The following TDRP variants were observed in gnomAD, a reference collection of about 807,000 sequenced individuals.
The protein encoded by TDRP is testis development related protein, also known as testis development-related protein.
In TDRP, 12 loss-of-function variants were observed where a neutral mutation model predicts 10.5. The observed-to-expected ratio is 1.15, with a 90% confidence interval of 0.73 to 1.86. TDRP has a LOEUF of 1.86. Ranked by LOEUF, TDRP falls within the 40% of genes most tolerant of loss-of-function variation. TDRP has a pLI of 0.00. For synonymous variants in TDRP, 139 were observed against 95.4 expected (o/e 1.46, Z -2.67); for missense variants, 353 against 229.2 (o/e 1.54, Z -3.49).
intron 1 of TDRP, among the ~76,000 whole-genome samples, chr8:531,446 C>T (rs548435334): frequency 4.6e-5 from 7 of 152,268 alleles, no homozygotes; most frequent in Non-Finnish European, 1.0e-4. Context: ...GCGGGAATGA[C>T]TCCTTAATCC....
intron 1 of TDRP, among the ~76,000 whole-genome samples, chr8:518,616 G>A (rs969293518): frequency 2.7e-5 from 3 of 109,660 alleles, no homozygotes; most frequent in African/African-American, 9.0e-5. Context: ...TTTCTTCACA[G>A]CAAAGTAACT....
chr8:517,514 T>A (rs908904331), intron 1 of TDRP, among the ~76,000 whole-genome samples: 6 of 152,162 alleles, frequency 3.9e-5, no homozygotes, highest in Non-Finnish European at 8.8e-5. Context: ...AGCATTCCAT[T>A]CCTTTCTGAC....
intron 1 of TDRP, among the ~76,000 whole-genome samples, chr8:524,274 G>T (rs1393455191): frequency 3.3e-5 from 5 of 152,264 alleles, no homozygotes; most frequent in African/African-American, 1.2e-4. Context: ...GAAAAACTTA[G>T]ATCACAACAC....
At chr8:494,431 C>T (rs1040012700) in intron 2 of TDRP, 63 bp downstream of exon 2, 25 of 1,512,806 alleles carry the variant, frequency 1.7e-5, no homozygotes, top group Admixed American at 3.4e-5. Flanking sequence ...TCTTCATTTC[C>T]ACCTCCTCAG....
intron 1 of TDRP, among the ~76,000 whole-genome samples, chr8:506,427 G>T (rs1458338184): frequency 2.0e-5 from 3 of 152,144 alleles, no homozygotes; most frequent in African/African-American, 7.2e-5. Context: ...CTGGACTTCA[G>T]CTTCTCACAT....
intron 1 of TDRP, among the ~76,000 whole-genome samples, chr8:498,093 GT>G: frequency 1.3e-5 from 2 of 152,306 alleles, no homozygotes; most frequent in East Asian, 3.9e-4. Context: ...CAAGGGAAAT[GT>G]GGGGTTGCAA....
At chr8:502,440 G>A (rs766938556) in intron 1 of TDRP, among the ~76,000 whole-genome samples, 32 of 152,326 alleles carry the variant, frequency 2.1e-4, no homozygotes, top group East Asian at 1.9e-3. Context: ...GGGGCTAGGC[G>A]GCCATAGCGA....
intron 1 of TDRP, among the ~76,000 whole-genome samples, chr8:495,718 C>T (rs1801109915): frequency 6.6e-6 from 1 of 152,170 alleles, no homozygotes; most frequent in Admixed American, 6.5e-5. Flanking sequence ...ATCCTGAAAG[C>T]TGACCTGAGG....
rs143222527 is a variant in TDRP, at chr8:510,148, G to C, written c.109-15551C>G. Among the ~76,000 whole-genome samples the C allele has an allele frequency of 1.3e-3, 192 of 152,326 alleles. 1 individual carries two copies. The highest frequency in any genetic ancestry group is 4.3e-3 in the African/African-American group (178 of 41,584). The stretch of plus-strand genomic sequence containing the variant: ...AAGCTCCACTAAGCTTCAGCATCCA[G>C]AGTTGTGACTGGGGTTTAAATAGGT... On this transcript the variant is annotated intron_variant, in intron 1 of 2. Transcript: ENST00000324079.
At chr8:528,862 T>C (rs1346418149) in intron 1 of TDRP, among the ~76,000 whole-genome samples, 2 of 152,100 alleles carry the variant, frequency 1.3e-5, no homozygotes, top group East Asian at 1.9e-4. Context: ...TGTGTGTGTG[T>C]AAAGGGGAAT....
chr8:506,549 G>A (rs1801470552), intron 1 of TDRP, among the ~76,000 whole-genome samples: 1 of 152,212 alleles, frequency 6.6e-6, no homozygotes, highest in Non-Finnish European at 1.5e-5. Context: ...CTGTGCATGT[G>A]CTGCACTGCA....
At chr8:541,951 G>GTT (rs1425082020) in intron 1 of TDRP, among the ~76,000 whole-genome samples, 1 of 152,172 alleles carries the variant, frequency 6.6e-6, no homozygotes, top group African/African-American at 2.4e-5. Flanking sequence ...TGCACCTGAT[G>GTT]TTTACAGCTG....
chr8:491,942 T>G lies in TDRP; in HGVS notation c.*457A>C, dbSNP rs1294431543. ...AGTTAAACAAAATTTAACATAACTT[T>G]GGAAGATTCATCTTACCTCCTGACT... On this transcript the variant is annotated 3_prime_UTR_variant, in exon 3 of 3. Coordinates refer to ENST00000324079, the MANE Select transcript of TDRP (RefSeq NM_001384899.1). 1.8e-6 allele frequency: 2 copies of G among 1,130,816 alleles called. No homozygotes were observed. Among genetic ancestry groups the G allele is most frequent in the East Asian group, 5.0e-5 (1 of 19,822 alleles). 70.0% of individuals were successfully genotyped at this position (1,130,816 alleles called of 1,614,324 possible). A position where few individuals can be genotyped will look rare whatever the true frequency, so the allele number is the denominator to read the frequency against.
Position 494,515 on chromosome 8 carries a change from C to A in TDRP, c.191G>T (p.Cys64Phe), listed in dbSNP as rs1801075600. 1 of 1,613,922 alleles carries A rather than the reference C, an allele frequency of 6.2e-7. No homozygotes were observed. Among genetic ancestry groups the A allele is most frequent in the South Asian group, 1.1e-5 (1 of 91,076 alleles). The stretch of plus-strand genomic sequence containing the variant: ...TTACCCTTTGGACTTGGGAGATTTA[C>A]ATCTTTCCAGGAGATGCTGCTCATC... ...KDDEQHLLER[C>F]KSPKSKGTNL... Residue 64 changes from cysteine (C) to phenylalanine (F), a missense_variant, in exon 2 of 3, where the codon TGT becomes TTT. By Grantham distance (205) the Cys-to-Phe change is radical. Transcript: ENST00000324079.
chr8:508,974 T>C (rs1161758677), intron 1 of TDRP, among the ~76,000 whole-genome samples: 2 of 152,210 alleles, frequency 1.3e-5, no homozygotes, highest in African/African-American at 4.8e-5. Flanking sequence ...ACAGGCCCCA[T>C]GCAGGTCCAA....
chr8:511,247 G>A (rs1801609255), intron 1 of TDRP, among the ~76,000 whole-genome samples: 2 of 152,126 alleles, frequency 1.3e-5, no homozygotes, highest in Middle Eastern at 6.8e-3. Flanking sequence ...ACACACTTTA[G>A]AATCAAAGAT....
intron 1 of TDRP, among the ~76,000 whole-genome samples, chr8:502,783 G>C (rs1249959217): frequency 1.3e-5 from 2 of 151,296 alleles, no homozygotes; most frequent in African/African-American, 4.9e-5. Context: ...ATGGAATCCA[G>C]AGCCATACAC....
chr8:517,218 G>A (rs148505847), intron 1 of TDRP, among the ~76,000 whole-genome samples: 2 of 152,224 alleles, frequency 1.3e-5, no homozygotes, highest in East Asian at 3.9e-4. Flanking sequence ...CTCTGGTACA[G>A]CATCACATGA....
chr8:544,795 G>C lies in TDRP; in HGVS notation c.-38C>G, dbSNP rs554500161. 2 of 1,215,722 alleles carry C rather than the reference G, an allele frequency of 1.6e-6. No individual in the cohort carries two copies. The highest frequency in any genetic ancestry group is 2.1e-6 in the Non-Finnish European group (2 of 973,272). 75.3% of individuals were successfully genotyped at this position (1,215,722 alleles called of 1,614,324 possible). On this transcript the variant is annotated 5_prime_UTR_variant, in exon 1 of 3. Transcript: ENST00000324079. The stretch of plus-strand genomic sequence containing the variant: ...TCCGGCGTCCCTCCGTCCGTGCGTC[G>C]GGCTGTGGCTCCGCGTCCCTCCCGG...
Sources: gnomAD v4.1 joint callset for allele counts (sites outside exome capture counted in the v4.1 genomes callset) on GRCh38, gnomAD v4.1.1 for gene constraint, MANE v1.5 for transcripts, NCBI Gene and HGNC (gene_info 2026-07-23, HGNC 2026-07-21) for gene names.